The following GMPR2 variants were observed in gnomAD, a reference collection of about 807,000 sequenced individuals.
GMPR2 encodes the protein guanosine monophosphate reductase 2.
In GMPR2, 32 loss-of-function variants were observed where a neutral mutation model predicts 38.5. The observed-to-expected ratio is 0.83, with a 90% CI of 0.63 to 1.12. The LOEUF is 1.12. GMPR2 is among the 50% of genes most tolerant of loss of function. GMPR2 has a pLI of 0.00. For missense variants in GMPR2, 396 were observed against 432.1 expected (o/e 0.92, Z 0.74); for synonymous variants, 154 against 151.0 (o/e 1.02, Z -0.15).
chr14:24,239,052 A>G lies in GMPR2; in HGVS notation c.*274A>G, dbSNP rs2040491394. The G allele has an allele frequency of 1.1e-5, 6 of 547,736 alleles. No homozygotes were observed. The highest frequency in any genetic ancestry group is 1.4e-5 in the Non-Finnish European group (4 of 287,176). 33.9% of individuals were successfully genotyped at this position (547,736 alleles called of 1,614,324 possible). On this transcript the variant is annotated 3_prime_UTR_variant, in exon 10 of 10. Transcript: ENST00000399440. ...CTGGGGACCCAACACAACATCCTGA[A>G]GATTATTAAAAGGAAAAGATGCTGA...
chr14:24,236,255 C>T (rs947446573), intron 5 of GMPR2, 115 bp downstream of exon 5: 7 of 774,730 alleles, frequency 9.0e-6, no homozygotes, highest in Non-Finnish European at 1.3e-5. Context: ...TTCATTTAAT[C>T]ATGATACTGG....
At chr14:24,238,001 A>T in intron 8 of GMPR2, 1 of 491,386 alleles carries the variant, frequency 2.0e-6, no homozygotes, top group Non-Finnish European at 3.6e-6. Flanking sequence ...CAAAAGGAGA[A>T]AGCAAAAGCC....
chr14:24,235,054 A>G (rs2040271955), intron 3 of GMPR2, among the ~76,000 whole-genome samples: 1 of 152,236 alleles, frequency 6.6e-6, no homozygotes, highest in African/African-American at 2.4e-5. Context: ...TGCCTTCCTC[A>G]AAGTATTGGG....
At chr14:24,238,468 G>T (rs780300904) in intron 9 of GMPR2, 63 bp downstream of exon 9, 1 of 1,614,066 alleles carries the variant, frequency 6.2e-7, no homozygotes, top group Non-Finnish European at 8.5e-7. Flanking sequence ...CTGCTGAGAG[G>T]GGGATGGTAC....
intron 8 of GMPR2, 45 bp from the exon 9 acceptor site, chr14:24,238,201 A>G (rs758014491): frequency 6.5e-7 from 1 of 1,546,542 alleles, no homozygotes; most frequent in Admixed American, 1.8e-5. Context: ...CCATGTGAGC[A>G]CCTTGGCCAG....
rs149724856 is a variant in GMPR2, at chr14:24,237,237, C to T, written c.548-8C>T. ...ACGTCATTCTTACCCTTATCATGTT[C>T]TTCCTAGGCTCTGTGTGTACTACTC... On this transcript the variant is annotated splice_region_variant and splice_polypyrimidine_tract_variant and intron_variant, in intron 6 of 9. Coordinates refer to ENST00000399440, the MANE Select transcript of GMPR2 (RefSeq NM_001002002.3). The T allele has an allele frequency of 1.3e-6, 2 of 1,591,574 alleles. No homozygotes were observed. The highest frequency in any genetic ancestry group is 2.7e-5 in the African/African-American group (2 of 74,466).
chr14:24,238,100 G>A, intron 8 of GMPR2, 146 bp from the exon 9 acceptor site: 1 of 694,618 alleles, frequency 1.4e-6, no homozygotes, highest in South Asian at 1.8e-5. Context: ...AGGCCTGCGT[G>A]GATTGTGGGT....
chr14:24,232,640 A>C, upstream of GMPR2: 1 of 297,836 alleles, frequency 3.4e-6, no homozygotes, highest in Non-Finnish European at 6.5e-6. Flanking sequence ...ACCCCCTCGG[A>C]TCCAACAGCA....
At chr14:24,236,910 A>G (rs748004015) in intron 5 of GMPR2, 161 bp from the exon 6 acceptor site, 28 of 600,276 alleles carry the variant, frequency 4.7e-5, no homozygotes, top group East Asian at 5.6e-5. Context: ...AGGGTTCTCT[A>G]AAGTGGCTAG....
intron 5 of GMPR2, among the ~76,000 whole-genome samples, 161 bp downstream of exon 5, chr14:24,236,301 T>C (rs1207556809): frequency 1.3e-5 from 2 of 152,228 alleles, no homozygotes; most frequent in Non-Finnish European, 2.9e-5. Flanking sequence ...AAATGTCTAT[T>C]TGGTCAGTGT....
chr14:24,237,702 G>C, intron 8 of GMPR2, 140 bp downstream of exon 8: 1 of 785,770 alleles, frequency 1.3e-6, no homozygotes, highest in African/African-American at 1.7e-5. Context: ...GAAGTCTATG[G>C]TATCATCTGG....
In GMPR2 at chr14:24,233,218, G is replaced by C. The variant is rs1594511299; in HGVS notation, c.-35-1G>C. The C allele has an allele frequency of 6.2e-7, 1 of 1,613,506 alleles. No homozygotes were observed. The highest frequency in any genetic ancestry group is 8.5e-7 in the Non-Finnish European group (1 of 1,180,020). On this transcript the variant is annotated splice_acceptor_variant, in intron 1 of 9. Coordinates refer to ENST00000399440, the MANE Select transcript of GMPR2 (RefSeq NM_001002002.3). LOFTEE classifies it low-confidence loss of function (5UTR_SPLICE). ...GGTCCTTATGACTTCCTGCCTTCCAGCCCTCAGATTCATCGCTACCCCGAG... is the reference window on the plus strand; with the variant it reads ...GGTCCTTATGACTTCCTGCCTTCCACCCCTCAGATTCATCGCTACCCCGAG...
chr14:24,238,673 T>C lies in GMPR2; in HGVS notation c.942T>C (p.Ser314=), dbSNP rs147556927. The C allele has an allele frequency of 7.2e-3, 11,620 of 1,613,846 alleles. 170 individuals carry two copies. Among genetic ancestry groups the C allele is most frequent in the Admixed American group, 0.055 (3,305 of 60,020 alleles). The stretch of plus-strand genomic sequence containing the variant: ...GAGACATCCTAGGAGGGATCCGCTC[T>C]ACGTGTACCTATGTGGGAGCAGCTA... The part of the protein sequence containing the change: ...TIRDILGGIR[S]TCTYVGAAKL... Residue 314 remains serine (S), a synonymous_variant, in exon 10 of 10, where the codon TCT becomes TCC. Transcript: ENST00000399440.
At position 24,238,244 on chromosome 14, in the gene GMPR2, A is replaced by G. The variant is rs1287752227; in HGVS notation, c.698-2A>G. 16 of 1,606,720 alleles carry G rather than the reference A, an allele frequency of 1.0e-5. No individual in the cohort carries two copies. Among genetic ancestry groups the G allele is most frequent in the Non-Finnish European group, 1.3e-5 (15 of 1,175,554 alleles). On this transcript the variant is annotated splice_acceptor_variant, in intron 8 of 9. Coordinates refer to ENST00000399440, the MANE Select transcript of GMPR2 (RefSeq NM_001002002.3). LOFTEE classifies it high-confidence loss of function. ...TCTTTCCCCCCTCCATGATGGTGGC[A>G]GGGGCAGGAGCTGACTTCGTGATGC...
rs2040322966 is a variant in GMPR2, at chr14:24,235,968, A to G, written c.293A>G (p.His98Arg). Reference sequence around the variant, plus strand: ...CCAATGACTCTGTTTCTCCCACAGCATCTGGCTGCCAGCTCAGGCACAGGC... The same window carrying G: ...CCAATGACTCTGTTTCTCCCACAGCGTCTGGCTGCCAGCTCAGGCACAGGC... Reference protein sequence around the residue: ...FAGQNPDCLEHLAASSGTGSS... With the variant: ...FAGQNPDCLERLAASSGTGSS... Residue 98 changes from histidine (H) to arginine (R), a missense_variant and splice_region_variant, in exon 5 of 10, where the codon CAT (histidine) becomes CGT (arginine). His to Arg is a conservative substitution (Grantham distance 29). Coordinates refer to ENST00000399440, the MANE Select transcript of GMPR2 (RefSeq NM_001002002.3). 6.2e-7 allele frequency: 1 copy of G among 1,613,838 alleles called. No individual in the cohort carries two copies. The highest frequency in any genetic ancestry group is 1.3e-5 in the African/African-American group (1 of 74,924).
Position 24,233,571 on chromosome 14 carries a change from C to CAG in GMPR2, c.180_181insAG (p.Phe61SerfsTer64). 1 of 1,614,134 alleles carries CAG rather than the reference C, an allele frequency of 6.2e-7. No individual in the cohort carries two copies. The highest frequency in any genetic ancestry group is 1.1e-5 in the South Asian group (1 of 91,082). ...CTGCCAATATGGATACTGTGGGCAC[C>CAG]TTTGAGATGGCCAAGGTTCTCTGTA... On this transcript the variant is annotated frameshift_variant, in exon 3 of 10. Coordinates refer to ENST00000399440, the MANE Select transcript of GMPR2 (RefSeq NM_001002002.3). LOFTEE classifies it high-confidence loss of function.
Position 24,235,948 on chromosome 14 carries a change from GACT to G in GMPR2, c.292-18_292-16del. ...ACCAGATCATCTCTGATATGCCAATGACTCTGTTTCTCCCACAGCATCTGGCTG... is the reference window on the plus strand; with the variant it reads ...ACCAGATCATCTCTGATATGCCAATGCTGTTTCTCCCACAGCATCTGGCTG... On this transcript the variant is annotated splice_polypyrimidine_tract_variant and intron_variant, in intron 4 of 9. Coordinates refer to ENST00000399440, the MANE Select transcript of GMPR2 (RefSeq NM_001002002.3). The G allele has an allele frequency of 1.9e-6, 3 of 1,612,992 alleles. No homozygotes were observed. Among genetic ancestry groups the G allele is most frequent in the Non-Finnish European group, 2.5e-6 (3 of 1,179,122 alleles).
At chr14:24,233,804 T>C in intron 3 of GMPR2, 1 of 643,178 alleles carries the variant, frequency 1.6e-6, no homozygotes, top group East Asian at 2.8e-5. Context: ...AAAGCTAAGT[T>C]CTGCTCCGAT....
Position 24,238,703 on chromosome 14 carries a change from C to T in GMPR2, c.972C>T (p.Leu324=). ...GTACCTATGTGGGAGCAGCTAAGCT[C>T]AAAGAGTTGAGCAGGAGAACTACCT... The part of the protein sequence containing the change: ...STCTYVGAAK[L]KELSRRTTFI... Residue 324 remains leucine, a synonymous_variant, in exon 10 of 10, where the codon CTC becomes CTT. Transcript: ENST00000399440. 1.9e-6 allele frequency: 3 copies of T among 1,613,954 alleles called. No individual in the cohort carries two copies. The highest frequency in any genetic ancestry group is 1.7e-5 in the Admixed American group (1 of 60,008).
Sources: gnomAD v4.1 joint callset for allele counts (sites outside exome capture counted in the v4.1 genomes callset) on GRCh38, gnomAD v4.1.1 for gene constraint, MANE v1.5 for transcripts, NCBI Gene and HGNC (gene_info 2026-07-23, HGNC 2026-07-21) for gene names.